The following ATM variants were observed in gnomAD, a reference collection of about 807,000 sequenced individuals.
The protein encoded by ATM is serine-protein kinase ATM.
A neutral mutation model predicts 387.0 loss-of-function variants in ATM; 308 were observed. The observed-to-expected ratio is 0.80, with a 90% CI of 0.73 to 0.87. The LOEUF (loss-of-function observed/expected upper bound fraction) is 0.87. ATM is among the 40% of genes least tolerant of loss of function. ATM has a pLI of 0.00. For missense variants in ATM, 3,312 were observed against 3,560.9 expected, an observed-to-expected ratio of 0.93 and a Z score of 1.78; for synonymous variants, 1,156 against 1,187.3, an observed-to-expected ratio of 0.97 and a Z score of 0.54.
intron 36 of ATM, 78 bp downstream of exon 36, chr11:108,303,107 A>AC: frequency 9.9e-6 from 13 of 1,308,390 alleles, no homozygotes; most frequent in Non-Finnish European, 1.3e-5. Context: ...ACTGCACATC[A>AC]TCTTCACATA....
chr11:108,284,607 T>G, intron 26 of ATM, 134 bp downstream of exon 26: 1 of 1,222,778 alleles, frequency 8.2e-7, no homozygotes, highest in East Asian at 2.6e-5. Context: ...TTATCTAGCA[T>G]AGCCAACCCA....
chr11:108,231,029 A>G (rs2078985423), intron 4 of ATM: 1 of 152,152 alleles, frequency 6.6e-6, no homozygotes, highest in Non-Finnish European at 1.5e-5. Flanking sequence ...GTATATTCTG[A>G]TTAGTACAGA....
intron 61 of ATM, among the ~76,000 whole-genome samples, chr11:108,357,958 G>A (rs897618900): frequency 2.7e-5 from 4 of 149,958 alleles, no homozygotes; most frequent in East Asian, 1.9e-4. Context: ...TGACTTTGAC[G>A]AGCTGAGAGA....
chr11:108,361,454 G>A (rs2090742997), intron 61 of ATM, among the ~76,000 whole-genome samples: 1 of 151,772 alleles, frequency 6.6e-6, no homozygotes, highest in Non-Finnish European at 1.5e-5. Context: ...CTACTTTAAA[G>A]TTCATATGGA....
intron 15 of ATM, among the ~76,000 whole-genome samples, chr11:108,258,647 G>A (rs570589351): frequency 2.7e-4 from 41 of 152,234 alleles, no homozygotes; most frequent in African/African-American, 9.4e-4. Context: ...TGGCCATATA[G>A]CAATATTATC....
intron 5 of ATM, among the ~76,000 whole-genome samples, chr11:108,240,207 A>G (rs1192504028): frequency 6.6e-6 from 1 of 152,094 alleles, no homozygotes; most frequent in Admixed American, 6.6e-5. Context: ...ATCTAATGAG[A>G]TGGTCATATT....
intron 1 of ATM, 136 bp from the exon 2 acceptor site, chr11:108,227,459 C>A: frequency 1.8e-6 from 1 of 571,276 alleles, no homozygotes; most frequent in Non-Finnish European, 3.1e-6. Flanking sequence ...CAGAATGTGC[C>A]TCTAATTGTA....
chr11:108,365,385 A>G lies in ATM; in HGVS notation c.9048A>G (p.Lys3016=), dbSNP rs553001467. Residue 3016 remains lysine, a synonymous_variant, in exon 63 of 63, where the codon AAA becomes AAG. Transcript: ENST00000675843. The stretch of plus-strand genomic sequence containing the variant: ...GTGTCTTAATGAGACTACAAGAGAA[A>G]CTGAAAGGAGTGGAAGAAGGCACTG... ...AERVLMRLQE[K]LKGVEEGTVL... is the part of the protein sequence containing the mutation. The G allele has an allele frequency of 1.2e-6, 2 of 1,614,172 alleles. No homozygotes were observed. The highest frequency in any genetic ancestry group is 2.7e-5 in the African/African-American group (2 of 75,042).
intron 61 of ATM, among the ~76,000 whole-genome samples, chr11:108,359,413 C>T (rs1260381697): frequency 2.0e-5 from 3 of 152,070 alleles, no homozygotes; most frequent in Non-Finnish European, 4.4e-5. Context: ...CAAGGATACC[C>T]AGGAATTGAA....
At chr11:108,231,315 GA>G (rs1265399399) in intron 4 of ATM, among the ~76,000 whole-genome samples, 1 of 152,156 alleles carries the variant, frequency 6.6e-6, no homozygotes, top group Non-Finnish European at 1.5e-5. Context: ...TACACATACT[GA>G]AAAGCTAGAG....
intron 45 of ATM, among the ~76,000 whole-genome samples, chr11:108,322,656 A>G (rs2085322247): frequency 6.6e-6 from 1 of 152,194 alleles, no homozygotes; most frequent in African/African-American, 2.4e-5. Flanking sequence ...TTATCAAGAT[A>G]TAAGTTGATT....
At chr11:108,310,476 A>G (rs1204755176) in intron 39 of ATM, among the ~76,000 whole-genome samples, 161 bp downstream of exon 39, 2 of 152,188 alleles carry the variant, frequency 1.3e-5, no homozygotes, top group African/African-American at 2.4e-5. Context: ...TTAAAAAGGA[A>G]TATGTAATTC....
At chr11:108,336,256 A>C (rs989183758) in intron 56 of ATM, 2 of 339,864 alleles carry the variant, frequency 5.9e-6, no homozygotes, top group Admixed American at 9.2e-5. Context: ...AGTGAGCTCA[A>C]ACTCTGCAGT....
intron 26 of ATM, among the ~76,000 whole-genome samples, chr11:108,284,761 C>T (rs746290136): frequency 6.6e-6 from 1 of 152,102 alleles, no homozygotes; most frequent in African/African-American, 2.4e-5. Flanking sequence ...TTGTAATACA[C>T]GAATGCAAAC....
intron 38 of ATM, chr11:108,308,186 TACCA>T: frequency 1.7e-6 from 1 of 578,250 alleles, no homozygotes; most frequent in South Asian, 1.9e-5. Flanking sequence ...TCAATTCTAG[TACCA>T]GCTGTACCAG....
chr11:108,288,881 G>A (rs2135748299), intron 27 of ATM, 96 bp from the exon 28 acceptor site: 1 of 1,442,254 alleles, frequency 6.9e-7, no homozygotes, highest in Non-Finnish European at 9.6e-7. Context: ...TGAATTTGGG[G>A]GTTATTAAAA....
In ATM at chr11:108,273,331, C is replaced by CTTTTTTTTTTTTTTTTTTTTT. The variant is rs563140198; in HGVS notation, c.3284+486_3284+506dup. On this transcript the variant is annotated intron_variant, in intron 22 of 62. Coordinates refer to ENST00000675843, the MANE Select transcript of ATM (RefSeq NM_000051.4). Reference sequence around the variant, plus strand: ...GGAATAAACATATATTAATTTCATTCTTTTTTTTTTTTTTTTTTTTTTTTT... The same window carrying CTTTTTTTTTTTTTTTTTTTTT: ...GGAATAAACATATATTAATTTCATTCTTTTTTTTTTTTTTTTTTTTTTTTTTTTTTTTTTTTTTTTTTTTTT... Among the ~76,000 whole-genome samples, 7 of 80,660 alleles carry CTTTTTTTTTTTTTTTTTTTTT rather than the reference C, an allele frequency of 8.7e-5. 1 individual carries two copies. The highest frequency in any genetic ancestry group is 4.0e-4 in the African/African-American group (7 of 17,518). The allele number at this position is 80,660 out of a possible 152,430, so 52.9% of individuals were successfully genotyped here.
chr11:108,362,734 G>T (rs1315677759), intron 61 of ATM, among the ~76,000 whole-genome samples: 1 of 143,426 alleles, frequency 7.0e-6, no homozygotes, highest in South Asian at 2.3e-4. Context: ...TCACTCATAG[G>T]TGGGAATTGA....
intron 31 of ATM, among the ~76,000 whole-genome samples, chr11:108,294,221 A>G (rs970076150): frequency 4.6e-5 from 7 of 152,104 alleles, no homozygotes; most frequent in African/African-American, 1.4e-4. Context: ...TTAAGTTTTA[A>G]TCTTTATAAA....
Sources: allele counts gnomAD v4.1 joint callset (sites outside exome capture counted in the v4.1 genomes callset), GRCh38; gene constraint gnomAD v4.1.1; transcripts MANE v1.5; gene names NCBI Gene and HGNC (gene_info 2026-07-23, HGNC 2026-07-21).